Variants in TBC1D5 observed in about 807,000 individuals in gnomAD.
TBC1D5 encodes TBC1 domain family member 5.
Under a neutral mutation model 100.3 loss-of-function variants are expected in TBC1D5, and 75 were observed. The ratio of observed to expected loss-of-function variants is 0.75; its 90% CI spans 0.62 to 0.91. The LOEUF (loss-of-function observed/expected upper bound fraction) is 0.91. TBC1D5 is among the 40% of genes least tolerant of loss of function. TBC1D5 has a pLI of 0.00. For synonymous variants in TBC1D5, 323 were observed against 325.6 expected (o/e 0.99, Z 0.09); for missense variants, 910 against 942.4 (o/e 0.97, Z 0.45).
chr3:17,188,204 G>A (rs758137908), intron 18 of TBC1D5, among the ~76,000 whole-genome samples: 5 of 152,176 alleles, frequency 3.3e-5, no homozygotes, highest in East Asian at 1.9e-4. Context: ...AACTTGTATA[G>A]TTAATGGGGA....
intron 9 of TBC1D5, among the ~76,000 whole-genome samples, chr3:17,377,945 G>A (rs908542191): frequency 1.3e-5 from 2 of 151,540 alleles, no homozygotes; most frequent in Non-Finnish European, 3.0e-5. Flanking sequence ...CAGATAACAT[G>A]TTAGACACCT....
intron 3 of TBC1D5, among the ~76,000 whole-genome samples, chr3:17,474,676 T>G (rs1351178186): frequency 6.6e-6 from 1 of 152,072 alleles, no homozygotes; most frequent in African/African-American, 2.4e-5. Flanking sequence ...CACACTTAAA[T>G]CTATTTTAAT....
intron 1 of TBC1D5, among the ~76,000 whole-genome samples, chr3:17,654,307 T>C (rs1318366424): frequency 6.6e-6 from 1 of 152,178 alleles, no homozygotes; most frequent in Non-Finnish European, 1.5e-5. Flanking sequence ...GTAACCTTCT[T>C]CTTAGACACA....
chr3:17,456,997 T>A (rs1413892769), intron 3 of TBC1D5, among the ~76,000 whole-genome samples: 1 of 152,116 alleles, frequency 6.6e-6, no homozygotes, highest in Non-Finnish European at 1.5e-5. Context: ...ACAGTGAGAA[T>A]GTAGAGTGAC....
chr3:17,553,595 G>A (rs912013160), intron 2 of TBC1D5, among the ~76,000 whole-genome samples: 3 of 152,086 alleles, frequency 2.0e-5, no homozygotes, highest in South Asian at 2.1e-4. Flanking sequence ...ACACAAAGTC[G>A]TTTTTGCAAC....
At chr3:17,369,391 C>G (rs2092348473) in intron 13 of TBC1D5, among the ~76,000 whole-genome samples, 1 of 152,056 alleles carries the variant, frequency 6.6e-6, no homozygotes, top group Admixed American at 6.6e-5. Context: ...ATACTGAGTA[C>G]TACTTTTTTT....
At chr3:17,337,485 A>G (rs2088107179) in intron 13 of TBC1D5, 1 of 152,208 alleles carries the variant, frequency 6.6e-6, no homozygotes, top group African/African-American at 2.4e-5. Context: ...TGTGATTACA[A>G]GAGAGTATGT....
At chr3:17,391,058 G>A (rs1302016468) in intron 8 of TBC1D5, among the ~76,000 whole-genome samples, 8 of 152,070 alleles carry the variant, frequency 5.3e-5, no homozygotes, top group Non-Finnish European at 1.0e-4. Flanking sequence ...CCACCGGCAG[G>A]CCTCTGTACA....
chr3:17,513,487 T>C (rs2095940745), intron 2 of TBC1D5, among the ~76,000 whole-genome samples: 1 of 152,232 alleles, frequency 6.6e-6, no homozygotes, highest in Non-Finnish European at 1.5e-5. Flanking sequence ...GAATTTATTC[T>C]GTCTGAATAC....
intron 4 of TBC1D5, among the ~76,000 whole-genome samples, chr3:17,417,165 A>AT (rs911257205): frequency 7.9e-5 from 12 of 151,896 alleles, no homozygotes; most frequent in Non-Finnish European, 1.6e-4. Flanking sequence ...GACCTTTAAG[A>AT]TTTTTTTGAC....
At chr3:17,729,228 G>A (rs1033300830) in intron 1 of TBC1D5, among the ~76,000 whole-genome samples, 1 of 151,658 alleles carries the variant, frequency 6.6e-6, no homozygotes, top group African/African-American at 2.4e-5. Context: ...CTTTCTATAA[G>A]GCAGTTTTGC....
At chr3:17,391,844 A>C (rs1331980371) in intron 8 of TBC1D5, among the ~76,000 whole-genome samples, 1 of 152,140 alleles carries the variant, frequency 6.6e-6, no homozygotes, top group Non-Finnish European at 1.5e-5. Context: ...AATCTAATAA[A>C]CTGAGTGATC....
At chr3:17,600,146 T>C (rs1031785605) in intron 2 of TBC1D5, among the ~76,000 whole-genome samples, 1 of 152,204 alleles carries the variant, frequency 6.6e-6, no homozygotes, top group Non-Finnish European at 1.5e-5. Context: ...ATTTCAAACC[T>C]AGACATATCT....
At chr3:17,267,604 A>C (rs2078981143) in intron 15 of TBC1D5, among the ~76,000 whole-genome samples, 1 of 152,184 alleles carries the variant, frequency 6.6e-6, no homozygotes, top group African/African-American at 2.4e-5. Flanking sequence ...AGAACAGTTT[A>C]ATCAAGTAAC....
intron 18 of TBC1D5, among the ~76,000 whole-genome samples, chr3:17,200,529 C>A (rs776664884): frequency 6.6e-6 from 1 of 152,222 alleles, no homozygotes; most frequent in Non-Finnish European, 1.5e-5. Flanking sequence ...GAACAGGGAA[C>A]CTGTTTGATC....
intron 18 of TBC1D5, among the ~76,000 whole-genome samples, chr3:17,200,529 C>G (rs776664884): frequency 6.6e-6 from 1 of 152,222 alleles, no homozygotes; most frequent in Non-Finnish European, 1.5e-5. Flanking sequence ...GAACAGGGAA[C>G]CTGTTTGATC....
intron 12 of TBC1D5, among the ~76,000 whole-genome samples, chr3:17,373,137 T>G (rs541026418): frequency 3.9e-5 from 6 of 152,176 alleles, no homozygotes; most frequent in Non-Finnish European, 8.8e-5. Context: ...TCTAACCATT[T>G]AAAAATGTTA....
intron 1 of TBC1D5, among the ~76,000 whole-genome samples, chr3:17,668,331 C>A (rs181215163): frequency 4.0e-5 from 6 of 151,764 alleles, no homozygotes; most frequent in African/African-American, 1.4e-4. Context: ...ACTTAATACC[C>A]GCTTAGATTT....
At chr3:17,494,635 C>G (rs1181217102) in intron 3 of TBC1D5, among the ~76,000 whole-genome samples, 1 of 152,300 alleles carries the variant, frequency 6.6e-6, no homozygotes, top group South Asian at 2.1e-4. Flanking sequence ...CAGGGTAGCT[C>G]CGCAGGGAAA....
Sources: gnomAD v4.1 joint callset for allele counts (sites outside exome capture counted in the v4.1 genomes callset) on GRCh38, gnomAD v4.1.1 for gene constraint, MANE v1.5 for transcripts, NCBI Gene and HGNC (gene_info 2026-07-23, HGNC 2026-07-21) for gene names.